Variants in ADAMTSL1 observed in about 807,000 individuals in gnomAD.
ADAMTSL1 encodes the protein ADAMTS-like protein 1.
A neutral mutation model predicts 201.8 loss-of-function variants in ADAMTSL1; 126 were observed. The ratio of observed to expected loss-of-function variants is 0.62; its 90% CI spans 0.54 to 0.72. The LOEUF (loss-of-function observed/expected upper bound fraction) is 0.72. Among genes scored for constraint, ADAMTSL1 ranks in the 30% least tolerant of loss-of-function variants. The probability of loss-of-function intolerance (pLI) is 0.00; values close to 1 mark genes in which losing one functional copy is unlikely to be tolerated. For synonymous variants in ADAMTSL1, 1,121 were observed against 903.4 expected (o/e 1.24, Z -4.32); for missense variants, 2,679 against 2,277.8 (o/e 1.18, Z -3.59).
rs549335339 is a variant in ADAMTSL1, at chr9:17,907,762, A to G, written c.87+840A>G. On this transcript the variant is annotated intron_variant, in intron 1 of 29. Coordinates refer to the ADAMTSL1 transcript ENST00000680146. ...AGGGGTCCAGGGTCGAGTCAAACTC[A>G]GAATGCCTGCGGTTCCTTGGTTTTC... 1.2e-4 allele frequency among the ~76,000 whole-genome samples: 18 copies of G among 152,326 alleles called. 1 individual carries two copies. In the South Asian group the frequency reaches 3.7e-3, roughly 32 times the overall value.
intron 1 of ADAMTSL1, among the ~76,000 whole-genome samples, chr9:17,936,409 G>A (rs1827011438): frequency 6.6e-6 from 1 of 152,172 alleles, no homozygotes; most frequent in Admixed American, 6.5e-5. Context: ...AGGGGCCATA[G>A]TTATGACCAA....
intron 15 of ADAMTSL1, chr9:18,723,102 A>G (rs371870914): frequency 1.5e-5 from 12 of 774,712 alleles, no homozygotes; most frequent in African/African-American, 3.4e-5. Flanking sequence ...GCTGTCACCA[A>G]CTAGCTCTGT....
intron 2 of ADAMTSL1, among the ~76,000 whole-genome samples, chr9:18,324,177 T>C (rs915530618): frequency 1.3e-5 from 2 of 152,186 alleles, no homozygotes; most frequent in Non-Finnish European, 2.9e-5. Flanking sequence ...TATATTTACT[T>C]TTTACAAAAT....
intron 19 of ADAMTSL1, among the ~76,000 whole-genome samples, chr9:18,784,470 GT>G (rs1361577400): frequency 6.6e-6 from 1 of 152,184 alleles, no homozygotes; most frequent in South Asian, 2.1e-4. Context: ...GGTCTGCAAG[GT>G]TTTTTATAGT....
intron 1 of ADAMTSL1, among the ~76,000 whole-genome samples, chr9:17,975,128 C>CT (rs1818392905): frequency 6.6e-6 from 1 of 151,836 alleles, no homozygotes; most frequent in Non-Finnish European, 1.5e-5. Context: ...TGTCAAGCAT[C>CT]TTTTTATGTA....
intron 1 of ADAMTSL1, among the ~76,000 whole-genome samples, chr9:17,927,803 T>TG (rs140636735): frequency 0.048 from 7,360 of 152,166 alleles, 240 homozygotes; most frequent in Non-Finnish European, 0.072. Flanking sequence ...TTTGTGTTCC[T>TG]GGGGTGTCCT....
intron 20 of ADAMTSL1, among the ~76,000 whole-genome samples, chr9:18,812,078 T>C (rs1283493623): frequency 6.6e-6 from 1 of 152,226 alleles, no homozygotes; most frequent in African/African-American, 2.4e-5. Flanking sequence ...ACTAATATTT[T>C]ATACATGTAG....
intron 2 of ADAMTSL1, among the ~76,000 whole-genome samples, chr9:18,169,047 T>G: frequency 7.6e-6 from 1 of 132,032 alleles, no homozygotes; most frequent in Non-Finnish European, 1.7e-5. Context: ...ATGAGTAGGT[T>G]GCAAAACTTT....
intron 1 of ADAMTSL1, among the ~76,000 whole-genome samples, chr9:18,119,022 A>G (rs1825384471): frequency 6.6e-6 from 1 of 152,174 alleles, no homozygotes; most frequent in African/African-American, 2.4e-5. Flanking sequence ...TGGCCCCTTC[A>G]CATACTGATC....
At chr9:18,033,437 A>T (rs1821060544) in intron 1 of ADAMTSL1, among the ~76,000 whole-genome samples, 1 of 152,214 alleles carries the variant, frequency 6.6e-6, no homozygotes, top group African/African-American at 2.4e-5. Context: ...TGTAAATGTT[A>T]TTTTAACACA....
intron 20 of ADAMTSL1, among the ~76,000 whole-genome samples, chr9:18,797,235 G>C (rs1356251896): frequency 6.6e-6 from 1 of 152,130 alleles, no homozygotes; most frequent in African/African-American, 2.4e-5. Context: ...TAGCTGCTAG[G>C]GTTTGTATAG....
At chr9:18,037,268 C>T (rs1044920999) in intron 1 of ADAMTSL1, among the ~76,000 whole-genome samples, 2 of 152,028 alleles carry the variant, frequency 1.3e-5, no homozygotes, top group East Asian at 3.9e-4. Flanking sequence ...CCTTGCATGT[C>T]GTATATTTGG....
At chr9:18,905,725 C>T (rs566285877) in intron 26 of ADAMTSL1, 57 bp from the exon 27 acceptor site, 26 of 1,392,822 alleles carry the variant, frequency 1.9e-5, no homozygotes, top group African/African-American at 4.3e-5. Flanking sequence ...CCAAGCACGG[C>T]GGCCTCCACC....
intron 2 of ADAMTSL1, among the ~76,000 whole-genome samples, chr9:18,394,048 C>A: frequency 6.6e-6 from 1 of 152,206 alleles, no homozygotes. Flanking sequence ...CTTTAATTAC[C>A]AATTGTCCTG....
intron 13 of ADAMTSL1, among the ~76,000 whole-genome samples, chr9:18,690,696 G>T (rs1304232529): frequency 6.6e-6 from 1 of 152,154 alleles, no homozygotes; most frequent in Non-Finnish European, 1.5e-5. Context: ...ACTGGCATAT[G>T]GTAGAGGTAA....
rs1486421624 is a variant in ADAMTSL1, at chr9:18,297,474, C to A, written c.207+133493C>A. Among the ~76,000 whole-genome samples, 4 of 151,530 alleles carry A rather than the reference C, an allele frequency of 2.6e-5. No homozygotes were observed. In the East Asian group the frequency reaches 7.7e-4, roughly 29 times the overall value. The stretch of plus-strand genomic sequence containing the variant: ...TTTTTATAAATATCAGATGTGTAAT[C>A]TCAGACGTGAACTTATTATAACTAG... On this transcript the variant is annotated intron_variant, in intron 2 of 29. Coordinates refer to the ADAMTSL1 transcript ENST00000680146.
At chr9:18,030,098 A>C (rs905800379) in intron 1 of ADAMTSL1, among the ~76,000 whole-genome samples, 2 of 152,192 alleles carry the variant, frequency 1.3e-5, no homozygotes, top group Non-Finnish European at 2.9e-5. Context: ...ACATGCACAC[A>C]TATGTTTATT....
intron 5 of ADAMTSL1, among the ~76,000 whole-genome samples, chr9:18,634,898 A>G (rs934640237): frequency 1.6e-5 from 2 of 127,066 alleles, no homozygotes; most frequent in African/African-American, 6.7e-5. Flanking sequence ...TATGTATGTA[A>G]ATATATATTT....
At chr9:18,001,458 T>C (rs968271555) in intron 1 of ADAMTSL1, among the ~76,000 whole-genome samples, 4 of 151,950 alleles carry the variant, frequency 2.6e-5, no homozygotes, top group Admixed American at 2.0e-4. Context: ...AAGTCAGATG[T>C]AGAATAGGTC....
Sources: gnomAD v4.1 joint callset for allele counts (sites outside exome capture counted in the v4.1 genomes callset) on GRCh38, gnomAD v4.1.1 for gene constraint, MANE v1.5 for transcripts, NCBI Gene and HGNC (gene_info 2026-07-23, HGNC 2026-07-21) for gene names.